GLIS3: variants seen among roughly 807,000 people sequenced by gnomAD.
The protein encoded by GLIS3 is GLIS family zinc finger 3.
Under a neutral mutation model 78.6 loss-of-function variants are expected in GLIS3, and 53 were observed. The observed-to-expected ratio is 0.67, with a 90% CI of 0.54 to 0.85. The LOEUF is 0.85. Among genes scored for constraint, GLIS3 ranks in the 40% least tolerant of loss-of-function variants. GLIS3 has a pLI of 0.00. For missense variants in GLIS3, 1,703 were observed against 1,231.1 expected, an observed-to-expected ratio of 1.38 and a Z score of -5.74; for synonymous variants, 684 against 509.9, an observed-to-expected ratio of 1.34 and a Z score of -4.60.
intron 4 of GLIS3, among the ~76,000 whole-genome samples, chr9:4,027,187 C>G (rs866716010): frequency 6.6e-6 from 1 of 152,200 alleles, no homozygotes; most frequent in East Asian, 1.9e-4. Context: ...TGTTAGCAAC[C>G]TGGCTAAAAG....
chr9:4,143,483 C>T (rs1230008687), intron 2 of GLIS3, among the ~76,000 whole-genome samples: 1 of 151,874 alleles, frequency 6.6e-6, no homozygotes, highest in African/African-American at 2.4e-5. Flanking sequence ...AGGAGAATTG[C>T]TTGAACCCAG....
intron 2 of GLIS3, among the ~76,000 whole-genome samples, chr9:4,319,744 G>A (rs1271622168): frequency 6.6e-6 from 1 of 152,004 alleles, no homozygotes; most frequent in Non-Finnish European, 1.5e-5. Context: ...TGCCCAGGAT[G>A]GTTTTGAACT....
At chr9:3,874,943 A>C (rs1199933649) in intron 8 of GLIS3, among the ~76,000 whole-genome samples, 2 of 152,196 alleles carry the variant, frequency 1.3e-5, no homozygotes, top group Non-Finnish European at 2.9e-5. Flanking sequence ...GACAAAGCGC[A>C]CTGTTTGTGG....
intron 2 of GLIS3, among the ~76,000 whole-genome samples, chr9:4,341,695 A>T (rs1273246231): frequency 6.6e-6 from 1 of 152,238 alleles, no homozygotes; most frequent in Non-Finnish European, 1.5e-5. Flanking sequence ...GCCAGCTCTG[A>T]TAACTGTGCC....
At chr9:4,169,210 A>C (rs1164450528) in intron 2 of GLIS3, among the ~76,000 whole-genome samples, 1 of 152,208 alleles carries the variant, frequency 6.6e-6, no homozygotes, top group African/African-American at 2.4e-5. Context: ...TGATTGGCAG[A>C]CACAAGGAAA....
At chr9:4,099,967 T>G (rs1830240430) in intron 4 of GLIS3, among the ~76,000 whole-genome samples, 1 of 152,244 alleles carries the variant, frequency 6.6e-6, no homozygotes, top group South Asian at 2.1e-4. Context: ...GTAATTTCTC[T>G]GACTCTCAGT....
chr9:3,842,886 G>T (rs1301456991), intron 9 of GLIS3, among the ~76,000 whole-genome samples: 1 of 152,160 alleles, frequency 6.6e-6, no homozygotes, highest in Non-Finnish European at 1.5e-5. Flanking sequence ...TTCTTCCCAT[G>T]GGCATCTCTT....
rs200794601 is a variant in GLIS3 at position 4,087,951 on chromosome 9, TG to T, written c.1710+29816del. Among the ~76,000 whole-genome samples, 693 of 152,342 alleles carry T rather than the reference TG, an allele frequency of 4.5e-3. 7 individuals are homozygous for T. Among genetic ancestry groups the T allele is most frequent in the African/African-American group, 0.015 (641 of 41,578 alleles). Reference sequence around the variant, plus strand: ...ATTATGGTTAGTTATGTACATGGATTGGCCCCCAATGAACTTTAGACTTCCC... The same window carrying T: ...ATTATGGTTAGTTATGTACATGGATTGCCCCCAATGAACTTTAGACTTCCC... On this transcript the variant is annotated intron_variant, in intron 4 of 10. Coordinates refer to ENST00000381971, the MANE Select transcript of GLIS3 (RefSeq NM_001042413.2).
At chr9:4,067,502 AC>A (rs1827200630) in intron 4 of GLIS3, among the ~76,000 whole-genome samples, 1 of 152,146 alleles carries the variant, frequency 6.6e-6, no homozygotes, top group Non-Finnish European at 1.5e-5. Context: ...TCAAAAGAAC[AC>A]AACAGCCATG....
intron 4 of GLIS3, among the ~76,000 whole-genome samples, chr9:4,099,406 C>T (rs961433458): frequency 6.6e-6 from 1 of 152,120 alleles, no homozygotes; most frequent in African/African-American, 2.4e-5. Context: ...TTCACCTTCA[C>T]TTGGAGTTGC....
chr9:4,400,774 AGGCCCTAGCTCCT>A, the GLIS3 span, among the ~76,000 whole-genome samples: 17 of 152,216 alleles, frequency 1.1e-4, no homozygotes, highest in Non-Finnish European at 1.5e-5. Flanking sequence ...ACCCTGCTCC[AGGCCCTAGCTCCT>A]GGATGACATT....
chr9:4,040,454 C>G (rs117096139), intron 4 of GLIS3, among the ~76,000 whole-genome samples: 2 of 152,008 alleles, frequency 1.3e-5, no homozygotes, highest in Admixed American at 6.6e-5. Flanking sequence ...GCTACATTTA[C>G]GATAGAAAAG....
chr9:4,290,780 C>G (rs1815888852), intron 1 of GLIS3, among the ~76,000 whole-genome samples: 1 of 152,062 alleles, frequency 6.6e-6, no homozygotes, highest in African/African-American at 2.4e-5. Context: ...TTAGATGTCA[C>G]CAATAAATCA....
chr9:4,284,627 A>G (rs1827828613), intron 2 of GLIS3, among the ~76,000 whole-genome samples: 1 of 151,980 alleles, frequency 6.6e-6, no homozygotes, highest in South Asian at 2.1e-4. Context: ...TAAATAAATT[A>G]AGGCCTGGCA....
chr9:3,948,863 A>T (rs1466748385), intron 4 of GLIS3, among the ~76,000 whole-genome samples: 1 of 152,208 alleles, frequency 6.6e-6, no homozygotes. Flanking sequence ...TTTGGCTGGA[A>T]AGTATCTAGC....
At chr9:4,399,956 G>A in the GLIS3 span, among the ~76,000 whole-genome samples, 2 of 152,202 alleles carry the variant, frequency 1.3e-5, no homozygotes, top group African/African-American at 4.8e-5. Flanking sequence ...CATGGTTGGA[G>A]CAGAAATAGG....
At chr9:4,461,774 C>G in the GLIS3 span, among the ~76,000 whole-genome samples, 1 of 152,162 alleles carries the variant, frequency 6.6e-6, no homozygotes, top group Non-Finnish European at 1.5e-5. Flanking sequence ...TAGCATTACA[C>G]CCTCAGCATA....
chr9:4,267,218 G>A (rs538026806), intron 2 of GLIS3, among the ~76,000 whole-genome samples: 4 of 152,236 alleles, frequency 2.6e-5, no homozygotes, highest in Admixed American at 6.5e-5. Context: ...TAAAGTGGGA[G>A]TGTTTTTACT....
At chr9:4,234,063 C>G (rs1822502737) in intron 2 of GLIS3, among the ~76,000 whole-genome samples, 1 of 152,192 alleles carries the variant, frequency 6.6e-6, no homozygotes, top group Non-Finnish European at 1.5e-5. Flanking sequence ...TAGGCTTTAG[C>G]TTGAGGGAAT....
Sources: gnomAD v4.1 joint callset for allele counts (sites outside exome capture counted in the v4.1 genomes callset) on GRCh38, gnomAD v4.1.1 for gene constraint, MANE v1.5 for transcripts, NCBI Gene and HGNC (gene_info 2026-07-23, HGNC 2026-07-21) for gene names.